Variants in CDH13 observed in about 807,000 individuals in gnomAD.
The protein encoded by CDH13 is cadherin-13.
A neutral mutation model predicts 63.8 loss-of-function variants in CDH13; 24 were observed. That is an observed-to-expected ratio of 0.38 (90% confidence interval 0.27 to 0.53). The LOEUF is 0.53. Ranked by LOEUF, CDH13 falls within the 20% of genes least tolerant of loss-of-function variation. CDH13 has a pLI of 0.85. For synonymous variants in CDH13, 503 were observed against 355.3 expected (o/e 1.42, Z -4.67); for missense variants, 1,049 against 903.1 (o/e 1.16, Z -2.07).
At chr16:83,396,564 C>T (rs1002294087) in intron 6 of CDH13, 3 of 152,050 alleles carry the variant, frequency 2.0e-5, no homozygotes, top group Admixed American at 1.3e-4. Flanking sequence ...AATTTTATGT[C>T]CCTGAAGGGT....
At chr16:82,705,252 C>A in intron 1 of CDH13, 1 of 438,442 alleles carries the variant, frequency 2.3e-6, no homozygotes, top group Non-Finnish European at 4.5e-6. Context: ...TGCGGCTGCA[C>A]TTCAAGAGAC....
chr16:83,000,431 G>A (rs1306527950), intron 2 of CDH13, among the ~76,000 whole-genome samples: 3 of 150,344 alleles, frequency 2.0e-5, no homozygotes, highest in South Asian at 2.1e-4. Context: ...TGTATTTGTC[G>A]TAGAGACACG....
chr16:82,709,165 C>G (rs916963226), intron 1 of CDH13, among the ~76,000 whole-genome samples: 1 of 152,212 alleles, frequency 6.6e-6, no homozygotes, highest in African/African-American at 2.4e-5. Context: ...GAAGATGAGT[C>G]TTTGAATACG....
intron 11 of CDH13, among the ~76,000 whole-genome samples, chr16:83,753,079 G>C (rs561489494): frequency 6.6e-6 from 1 of 152,138 alleles, no homozygotes; most frequent in Non-Finnish European, 1.5e-5. Flanking sequence ...CAAAACCATC[G>C]TTAGGAATAA....
intron 7 of CDH13, among the ~76,000 whole-genome samples, chr16:83,578,611 C>A (rs7198068): frequency 6.6e-6 from 1 of 151,784 alleles, no homozygotes; most frequent in Non-Finnish European, 1.5e-5. Context: ...GGCATTGACT[C>A]CACTGATGTT....
At position 83,433,492 on chromosome 16, in the gene CDH13, C is replaced by G. The variant is rs117092656; in HGVS notation, c.782-52985C>G. ...CACAATGACCCCATGTAAAGAGCATCATTGTTTCCTTGGTGCACCTACTAA... is the reference window on the plus strand; with the variant it reads ...CACAATGACCCCATGTAAAGAGCATGATTGTTTCCTTGGTGCACCTACTAA... On this transcript the variant is annotated intron_variant, in intron 6 of 13. Transcript: ENST00000567109. 1.4e-3 allele frequency among the ~76,000 whole-genome samples: 211 copies of G among 152,330 alleles called. 3 individuals are homozygous for G. In the East Asian group the frequency reaches 0.03, roughly 22 times the overall value.
intron 6 of CDH13, among the ~76,000 whole-genome samples, chr16:83,403,147 G>A (rs777800968): frequency 2.0e-5 from 3 of 152,088 alleles, no homozygotes; most frequent in East Asian, 1.9e-4. Context: ...GAAATAATAC[G>A]TCTTGTGAGA....
intron 2 of CDH13, among the ~76,000 whole-genome samples, chr16:82,985,169 T>C (rs1910776514): frequency 6.6e-6 from 1 of 151,674 alleles, no homozygotes; most frequent in Non-Finnish European, 1.5e-5. Flanking sequence ...ATTACTTTAA[T>C]CCTAATGTAT....
rs148503283 is a variant in CDH13, at chr16:83,789,337, C to CTTTTTTT, written c.2135-5683_2135-5677dup. Among the ~76,000 whole-genome samples, 46 of 132,242 alleles carry CTTTTTTT rather than the reference C, an allele frequency of 3.5e-4. 1 individual carries two copies. Among genetic ancestry groups the CTTTTTTT allele is most frequent in the African/African-American group, 7.1e-4 (24 of 33,628 alleles). The allele number at this position is 132,242 out of a possible 152,430, so 86.8% of individuals were successfully genotyped here. The stretch of plus-strand genomic sequence containing the variant: ...AAAAAACACTGAAATTAGTAGCTTT[C>CTTTTTTT]TTTTTTTTTGTTTGTCTGTTTTGTT... On this transcript the variant is annotated intron_variant, in intron 13 of 13. Coordinates refer to ENST00000567109, the MANE Select transcript of CDH13 (RefSeq NM_001257.5).
intron 4 of CDH13, among the ~76,000 whole-genome samples, chr16:83,173,961 A>G (rs958301227): frequency 6.6e-6 from 1 of 152,124 alleles, no homozygotes; most frequent in African/African-American, 2.4e-5. Flanking sequence ...TTTCAAAGCC[A>G]GTATCACACC....
At chr16:82,768,674 A>AGCCTAGTGCTTAGGTCTGTT (rs1315092877) in intron 1 of CDH13, among the ~76,000 whole-genome samples, 1 of 152,182 alleles carries the variant, frequency 6.6e-6, no homozygotes, top group Non-Finnish European at 1.5e-5. Flanking sequence ...AGGATCATCC[A>AGCCTAGTGCTTAGGTCTGTT]GCCTAGTGCT....
intron 6 of CDH13, among the ~76,000 whole-genome samples, chr16:83,398,810 T>A (rs1203691981): frequency 6.6e-6 from 1 of 152,236 alleles, no homozygotes; most frequent in East Asian, 1.9e-4. Context: ...AAAATAGATT[T>A]TATCTCATGG....
At chr16:82,643,457 T>C (rs914350046) in intron 1 of CDH13, among the ~76,000 whole-genome samples, 1 of 152,206 alleles carries the variant, frequency 6.6e-6, no homozygotes, top group Non-Finnish European at 1.5e-5. Context: ...GGCTGGCAAG[T>C]GGTAGTTTCA....
intron 7 of CDH13, among the ~76,000 whole-genome samples, chr16:83,587,366 C>T (rs1194418026): frequency 6.6e-6 from 1 of 152,168 alleles, no homozygotes. Flanking sequence ...GGAATGGCTG[C>T]AAGTCGTAGA....
intron 5 of CDH13, among the ~76,000 whole-genome samples, chr16:83,302,106 T>A (rs1045309073): frequency 6.6e-6 from 1 of 152,186 alleles, no homozygotes. Context: ...TACTACGTGA[T>A]GTAACACACA....
At chr16:83,088,486 C>T (rs1044515496) in intron 3 of CDH13, among the ~76,000 whole-genome samples, 9 of 152,164 alleles carry the variant, frequency 5.9e-5, no homozygotes, top group African/African-American at 1.9e-4. Context: ...GTTTTAGTTA[C>T]ATACTGCTGC....
chr16:82,899,781 C>G (rs1567643171), intron 2 of CDH13, among the ~76,000 whole-genome samples: 4 of 152,176 alleles, frequency 2.6e-5, no homozygotes, highest in Admixed American at 2.6e-4. Context: ...ATCTCCTCCT[C>G]CAAACAAAAC....
chr16:82,696,297 C>G (rs939874898), intron 1 of CDH13, among the ~76,000 whole-genome samples: 6 of 152,106 alleles, frequency 3.9e-5, no homozygotes, highest in Non-Finnish European at 8.8e-5. Context: ...GTCACTCACT[C>G]TATATATTTT....
chr16:82,890,710 G>A (rs2041051119), intron 2 of CDH13, among the ~76,000 whole-genome samples: 1 of 147,874 alleles, frequency 6.8e-6, no homozygotes, highest in Admixed American at 6.8e-5. Flanking sequence ...AGAGTGCAAT[G>A]GCATGATCTT....
Sources: gnomAD v4.1 joint callset for allele counts (sites outside exome capture counted in the v4.1 genomes callset) on GRCh38, gnomAD v4.1.1 for gene constraint, MANE v1.5 for transcripts, NCBI Gene and HGNC (gene_info 2026-07-23, HGNC 2026-07-21) for gene names.